TNPO3: variants seen among roughly 807,000 people sequenced by gnomAD.
TNPO3 encodes transportin 3, also known as transportin-3.
In TNPO3, 65 loss-of-function variants were observed where a neutral mutation model predicts 122.8. That is an observed-to-expected ratio of 0.53 (90% CI 0.43 to 0.65). TNPO3 has a LOEUF of 0.65. Among genes scored for constraint, TNPO3 ranks in the 30% least tolerant of loss-of-function variants. TNPO3 has a pLI of 0.00. For synonymous variants in TNPO3, 372 were observed against 411.2 expected (o/e 0.90, Z 1.15); for missense variants, 850 against 1,136.7 (o/e 0.75, Z 3.63).
intron 21 of TNPO3, among the ~76,000 whole-genome samples, chr7:128,966,762 T>C (rs969109737): frequency 3.3e-5 from 5 of 152,212 alleles, no homozygotes; most frequent in African/African-American, 4.8e-5. Flanking sequence ...AATCCAGAGA[T>C]TGTAAGTTCC....
At chr7:128,992,130 A>G in intron 9 of TNPO3, 40 bp from the exon 10 acceptor site, 1 of 1,207,408 alleles carries the variant, frequency 8.3e-7, no homozygotes, top group Non-Finnish European at 1.2e-6. Context: ...ATTAAAAGGA[A>G]AACAGAATGC....
At chr7:128,975,650 C>T (rs1039509501) in intron 17 of TNPO3, among the ~76,000 whole-genome samples, 169 bp downstream of exon 17, 13 of 151,616 alleles carry the variant, frequency 8.6e-5, no homozygotes, top group Non-Finnish European at 1.0e-4. Flanking sequence ...CTCAAACAGG[C>T]CTGTTCAGAG....
chr7:129,007,551 A>G (rs1158755960), intron 4 of TNPO3, among the ~76,000 whole-genome samples: 3 of 152,250 alleles, frequency 2.0e-5, no homozygotes, highest in Non-Finnish European at 4.4e-5. Context: ...TCTATCACAC[A>G]TGAACCAACT....
At chr7:129,053,766 T>G (rs543187478) in intron 1 of TNPO3, among the ~76,000 whole-genome samples, 1 of 152,320 alleles carries the variant, frequency 6.6e-6, no homozygotes, top group Admixed American at 6.5e-5. Flanking sequence ...TACTTAATTT[T>G]TAAAGTACAT....
chr7:129,001,233 T>C lies in TNPO3; in HGVS notation c.698A>G (p.Gln233Arg). The change falls in exon 6 of 23, where the codon CAA becomes CGA. Residue 233 changes from glutamine (Q) to arginine (R), a missense_variant and splice_region_variant. Physicochemically the swap from Gln to Arg is conservative, Grantham distance 43. Coordinates refer to ENST00000265388, the MANE Select transcript of TNPO3 (RefSeq NM_012470.4). ...TAGGTTAGACGAGGTCTTATCCTGT[T>C]GCTGGGGAGGTAGCAGGAATAGGGA... is the stretch of plus-strand genomic sequence containing the variant. ...KLLALLFEVL[Q>R]QDKTSSNLHE... 1 of 1,598,440 alleles carries C rather than the reference T, an allele frequency of 6.3e-7. No individual in the cohort carries two copies. The highest frequency in any genetic ancestry group is 1.7e-4 in the Middle Eastern group (1 of 5,992).
intron 4 of TNPO3, among the ~76,000 whole-genome samples, chr7:129,013,282 A>T (rs1156991612): frequency 1.3e-5 from 2 of 152,164 alleles, no homozygotes; most frequent in Admixed American, 1.3e-4. Flanking sequence ...AAGCAAAAAA[A>T]GTCGACAAAG....
At chr7:129,018,182 T>C (rs536111543) in intron 1 of TNPO3, 25 bp from the exon 2 acceptor site, 1 of 1,606,128 alleles carries the variant, frequency 6.2e-7, no homozygotes, top group South Asian at 1.1e-5. Context: ...GACAAAGATG[T>C]CTTAAAGAAG....
chr7:129,026,649 C>T (rs1361420425), intron 1 of TNPO3, among the ~76,000 whole-genome samples: 1 of 152,106 alleles, frequency 6.6e-6, no homozygotes, highest in Non-Finnish European at 1.5e-5. Flanking sequence ...GGTGATCTGC[C>T]CGCCTTGGTC....
rs1475341705 is a variant in TNPO3 at position 128,984,231 on chromosome 7, AG to A, written c.1718del (p.Pro573LeufsTer20). On this transcript the variant is annotated frameshift_variant, in exon 13 of 23. Transcript: ENST00000265388. LOFTEE classifies it high-confidence loss of function. ...TAAGACATTCGGTAATCTTATCCAAAGGTAATCGGGCTAGGACAAGTGCTGT... is the reference window on the plus strand; with the variant it reads ...TAAGACATTCGGTAATCTTATCCAAAGTAATCGGGCTAGGACAAGTGCTGT... ...KGTALVLARLPLDKITECLSE... is the reference protein window; with the variant it reads ...KGTALVLARLXLDKITECLSE... 1 of 1,613,204 alleles carries A rather than the reference AG, an allele frequency of 6.2e-7. No individual in the cohort carries two copies. The highest frequency in any genetic ancestry group is 8.5e-7 in the Non-Finnish European group (1 of 1,179,604).
At chr7:128,973,046 G>A (rs760879573) in intron 18 of TNPO3, among the ~76,000 whole-genome samples, 22 of 152,042 alleles carry the variant, frequency 1.4e-4, no homozygotes, top group Non-Finnish European at 2.1e-4. Flanking sequence ...ATTAAAAGAC[G>A]TGTCACCACA....
intron 10 of TNPO3, among the ~76,000 whole-genome samples, chr7:128,991,573 G>A (rs1351216649): frequency 6.6e-6 from 1 of 152,152 alleles, no homozygotes; most frequent in Non-Finnish European, 1.5e-5. Flanking sequence ...AGGTGCCTAT[G>A]CCTTGCCTCT....
intron 14 of TNPO3, among the ~76,000 whole-genome samples, chr7:128,980,679 T>G (rs1799538898): frequency 6.6e-6 from 1 of 151,906 alleles, no homozygotes; most frequent in Non-Finnish European, 1.5e-5. Context: ...AACAAGCGGA[T>G]GAAGTAAAAC....
intron 1 of TNPO3, chr7:129,041,790 GGCCTTTATATCA>G: frequency 1.0e-6 from 1 of 953,840 alleles, no homozygotes; most frequent in Non-Finnish European, 1.2e-6. Flanking sequence ...TAGCAGAACA[GGCCTTTATATCA>G]GTCTTTTCAA....
chr7:128,981,332 TACTC>T (rs1391687789), intron 14 of TNPO3, among the ~76,000 whole-genome samples: 7 of 152,228 alleles, frequency 4.6e-5, no homozygotes. Flanking sequence ...TAAATTATGT[TACTC>T]AGTAAGAATT....
At chr7:129,033,410 C>T (rs1181698100) in intron 1 of TNPO3, among the ~76,000 whole-genome samples, 1 of 152,054 alleles carries the variant, frequency 6.6e-6, no homozygotes, top group East Asian at 1.9e-4. Context: ...AATAGAATGA[C>T]CACTATCCAA....
intron 21 of TNPO3, among the ~76,000 whole-genome samples, chr7:128,963,556 T>C (rs367659840): frequency 1.3e-5 from 2 of 152,208 alleles, no homozygotes; most frequent in African/African-American, 4.8e-5. Flanking sequence ...TCTGGCAAAA[T>C]GTGTCATGAA....
chr7:128,991,049 C>A (rs1162910633), intron 10 of TNPO3, among the ~76,000 whole-genome samples: 5 of 152,146 alleles, frequency 3.3e-5, no homozygotes, highest in African/African-American at 4.8e-5. Context: ...CGAAGACTAT[C>A]TAGCCATCAT....
chr7:129,050,641 C>A (rs7783766), intron 1 of TNPO3, among the ~76,000 whole-genome samples: 394 of 152,180 alleles, frequency 2.6e-3, no homozygotes, highest in African/African-American at 9.2e-3. Flanking sequence ...ACAGGAGTAT[C>A]ATGCTGAAAA....
In TNPO3 at chr7:128,979,595, T is replaced by C. The variant is rs935032656; in HGVS notation, c.1920+376A>G. ...TCAAAAGCAATTCTTAAAACATGAC[T>C]TTTGATCCTCACATAACCTTCAGTG... On this transcript the variant is annotated intron_variant, in intron 15 of 22. Transcript: ENST00000265388. Among the ~76,000 whole-genome samples, 7 of 152,340 alleles carry C rather than the reference T, an allele frequency of 4.6e-5. No individual in the cohort carries two copies. In the South Asian group the frequency reaches 1.2e-3, roughly 27 times the overall value.
Sources: allele counts gnomAD v4.1 joint callset (sites outside exome capture counted in the v4.1 genomes callset), GRCh38; gene constraint gnomAD v4.1.1; transcripts MANE v1.5; gene names NCBI Gene and HGNC (gene_info 2026-07-23, HGNC 2026-07-21).